The following DTX1 variants were observed in gnomAD, a reference collection of about 807,000 sequenced individuals.
DTX1 encodes the protein deltex E3 ubiquitin ligase 1, also known as E3 ubiquitin-protein ligase DTX1.
In DTX1, 26 loss-of-function variants were observed where a neutral mutation model predicts 57.8. The observed-to-expected ratio is 0.45, with a 90% confidence interval of 0.33 to 0.62. The LOEUF is 0.62. Among genes scored for constraint, DTX1 ranks in the 20% least tolerant of loss-of-function variants. The pLI, the probability that DTX1 is intolerant of heterozygous loss-of-function variation, is 0.02. For synonymous variants in DTX1, 398 were observed against 394.1 expected (o/e 1.01, Z -0.12); for missense variants, 704 against 895.3 (o/e 0.79, Z 2.73).
chr12:113,065,078 C>T (rs2044694929), intron 2 of DTX1, among the ~76,000 whole-genome samples: 1 of 152,170 alleles, frequency 6.6e-6, no homozygotes, highest in Non-Finnish European at 1.5e-5. Context: ...TCGTGGGGCC[C>T]ACTGGGGCCT....
intron 2 of DTX1, among the ~76,000 whole-genome samples, chr12:113,066,726 C>T (rs1021796701): frequency 2.6e-5 from 4 of 152,022 alleles, no homozygotes; most frequent in Non-Finnish European, 4.4e-5. Context: ...AGGCACTGTC[C>T]GGGCACTAGG....
chr12:113,059,684 G>A (rs2044653220), intron 2 of DTX1, among the ~76,000 whole-genome samples: 1 of 152,126 alleles, frequency 6.6e-6, no homozygotes, highest in South Asian at 2.1e-4. Context: ...CAGCTGATGG[G>A]GTTTGGGGAA....
chr12:113,071,002 C>T (rs977769995), intron 2 of DTX1, among the ~76,000 whole-genome samples: 1 of 152,218 alleles, frequency 6.6e-6, no homozygotes, highest in Non-Finnish European at 1.5e-5. Flanking sequence ...TAAATGCTAG[C>T]CTTGGTTTCC....
chr12:113,093,837 T>C lies in DTX1; in HGVS notation c.1165+137T>C, dbSNP rs1331755495. 1 of 1,444,448 alleles carries C rather than the reference T, an allele frequency of 6.9e-7. No homozygotes were observed. Among genetic ancestry groups the C allele is most frequent in the Non-Finnish European group, 9.4e-7 (1 of 1,062,122 alleles). The allele number at this position is 1,444,448 out of a possible 1,614,324, so 89.5% of individuals were successfully genotyped here. Reference sequence around the variant, plus strand: ...TGCCTGATCTCAGCTCCCCTTGCCCTGGCCCCATCTTTCACCAGCTCCTGT... The same window carrying C: ...TGCCTGATCTCAGCTCCCCTTGCCCCGGCCCCATCTTTCACCAGCTCCTGT... On this transcript the variant is annotated intron_variant, in intron 5 of 9. Coordinates refer to ENST00000548759, the MANE Select transcript of DTX1 (RefSeq NM_004416.3). The surrounding 1 kb of genome is among the most constrained non-coding windows in gnomAD (Gnocchi z 4.2).
At chr12:113,076,974 C>G (rs1235880485) in intron 2 of DTX1, among the ~76,000 whole-genome samples, 1 of 152,018 alleles carries the variant, frequency 6.6e-6, no homozygotes, top group Non-Finnish European at 1.5e-5. Flanking sequence ...CCATCCAGGG[C>G]CTGTGATAAC....
chr12:113,096,953 C>G lies in DTX1; in HGVS notation c.*14C>G, dbSNP rs779809231. 1.0e-4 allele frequency: 163 copies of G among 1,601,332 alleles called. No individual in the cohort carries two copies. In the Middle Eastern group the frequency reaches 3.1e-3, roughly 31 times the overall value. ...GCCAAGGCTTGAGGCCCAAGGCTGC[C>G]CACCTTCCCTCCTGCTTTGCCCCTG... On this transcript the variant is annotated 3_prime_UTR_variant, in exon 10 of 10. Coordinates refer to ENST00000548759, the MANE Select transcript of DTX1 (RefSeq NM_004416.3).
At chr12:113,095,827 A>G (rs1312537787) in intron 9 of DTX1, among the ~76,000 whole-genome samples, 1 of 152,214 alleles carries the variant, frequency 6.6e-6, no homozygotes, top group Non-Finnish European at 1.5e-5. Flanking sequence ...GAATGTTAGT[A>G]ACTAATTTAC....
intron 3 of DTX1, among the ~76,000 whole-genome samples, chr12:113,079,995 C>T (rs1003141697): frequency 2.0e-5 from 3 of 152,220 alleles, no homozygotes; most frequent in African/African-American, 7.2e-5. Context: ...ACAGCATCTA[C>T]ACTGGCAGTA....
At chr12:113,059,453 C>T (rs2044652008) in intron 2 of DTX1, among the ~76,000 whole-genome samples, 2 of 151,904 alleles carry the variant, frequency 1.3e-5, no homozygotes, top group Admixed American at 1.3e-4. Flanking sequence ...TTGATGGTTG[C>T]GTTGGTGGTA....
At chr12:113,074,067 C>A (rs1005305968) in intron 2 of DTX1, among the ~76,000 whole-genome samples, 1 of 149,448 alleles carries the variant, frequency 6.7e-6, no homozygotes, top group Non-Finnish European at 1.5e-5. Flanking sequence ...CCCGTCTCTA[C>A]GAAAAATACA....
At chr12:113,065,785 G>C (rs994122326) in intron 2 of DTX1, among the ~76,000 whole-genome samples, 1 of 152,118 alleles carries the variant, frequency 6.6e-6, no homozygotes, top group Admixed American at 6.5e-5. Flanking sequence ...GTGACGAGGA[G>C]GGGCCAGGAC....
chr12:113,083,878 C>G (rs1287120360), intron 3 of DTX1, among the ~76,000 whole-genome samples: 1 of 152,202 alleles, frequency 6.6e-6, no homozygotes, highest in Admixed American at 6.5e-5. Flanking sequence ...GACCTTGGAC[C>G]CACTTGAGGC....
Position 113,058,151 on chromosome 12 carries a change from C to T in DTX1, c.-42C>T. 1 of 1,546,032 alleles carries T rather than the reference C, an allele frequency of 6.5e-7. No individual in the cohort carries two copies. Among genetic ancestry groups the T allele is most frequent in the Non-Finnish European group, 8.7e-7 (1 of 1,145,746 alleles). ...GCTGCCAGGCCCAGGAGGAGCTGGG[C>T]CTGCAATAGTGGGGGACCTGGCCCC... On this transcript the variant is annotated 5_prime_UTR_variant, in exon 2 of 10. Coordinates refer to ENST00000548759, the MANE Select transcript of DTX1 (RefSeq NM_004416.3).
chr12:113,084,267 G>C (rs1294059059), intron 3 of DTX1, among the ~76,000 whole-genome samples: 2 of 152,250 alleles, frequency 1.3e-5, no homozygotes, highest in Non-Finnish European at 2.9e-5. Flanking sequence ...GAACACAGCT[G>C]TGGAGCAGAG....
chr12:113,092,651 C>T (rs757413834), intron 3 of DTX1, among the ~76,000 whole-genome samples: 3 of 152,148 alleles, frequency 2.0e-5, no homozygotes, highest in Non-Finnish European at 2.9e-5. Flanking sequence ...TATGTTCTTA[C>T]GCAGGGCTTG....
chr12:113,074,360 G>C (rs1226937755), intron 2 of DTX1, among the ~76,000 whole-genome samples: 3 of 152,218 alleles, frequency 2.0e-5, no homozygotes, highest in Non-Finnish European at 4.4e-5. Context: ...GGGAGGAAAT[G>C]ATGAGAACAT....
chr12:113,088,660 T>A (rs1592853259), intron 3 of DTX1, among the ~76,000 whole-genome samples: 1 of 151,922 alleles, frequency 6.6e-6, no homozygotes, highest in South Asian at 2.1e-4. Flanking sequence ...GAAAAAAGAA[T>A]TCAGTAAGGT....
At chr12:113,092,847 C>T (rs1278692385) in intron 3 of DTX1, among the ~76,000 whole-genome samples, 1 of 152,212 alleles carries the variant, frequency 6.6e-6, no homozygotes, top group Non-Finnish European at 1.5e-5. Flanking sequence ...GTTTCAGGCA[C>T]AGCGGCCAAC....
intron 3 of DTX1, among the ~76,000 whole-genome samples, chr12:113,080,795 G>A (rs946343206): frequency 6.6e-6 from 1 of 152,006 alleles, no homozygotes; most frequent in Non-Finnish European, 1.5e-5. Context: ...GGGAAACATA[G>A]CAAGACACCA....
Sources: allele counts gnomAD v4.1 joint callset (sites outside exome capture counted in the v4.1 genomes callset), GRCh38; gene constraint gnomAD v4.1.1; non-coding constraint Gnocchi (gnomAD v3.1); transcripts MANE v1.5; gene names NCBI Gene and HGNC (gene_info 2026-07-23, HGNC 2026-07-21).